Variants in FPR3 observed in about 807,000 individuals in gnomAD.
The protein encoded by FPR3 is N-formyl peptide receptor 3.
For synonymous variants in FPR3, 135 were observed against 163.6 expected (o/e 0.83, Z 1.34); for missense variants, 346 against 443.2 (o/e 0.78, Z 1.97).
chr19:51,820,301 T>C (rs78544165), intron 1 of FPR3, among the ~76,000 whole-genome samples: 4,336 of 152,330 alleles, frequency 0.028, 162 homozygotes, highest in African/African-American at 0.087. Flanking sequence ...AATTGTGACA[T>C]TGAACAAGTC....
At position 51,824,614 on chromosome 19, in the gene FPR3, C is replaced by T; in HGVS notation, c.866C>T (p.Ser289Phe). The T allele has an allele frequency of 6.2e-7, 1 of 1,614,098 alleles. No homozygotes were observed. Among genetic ancestry groups the T allele is most frequent in the East Asian group, 2.2e-5 (1 of 44,868 alleles). The part of the protein sequence containing the change: ...IILVLINPTS[S>F]LAFFNSCLNP... ...CTTGTCCTGATTAACCCAACAAGCT[C>T]CTTGGCCTTTTTTAACAGCTGCCTC... The change falls in exon 2 of 2, where the codon TCC (serine) becomes TTC (phenylalanine). Residue 289 changes from serine to phenylalanine, a missense_variant. Physicochemically the swap from Ser to Phe is radical, Grantham distance 155 (BLOSUM62 -2). Coordinates refer to ENST00000339223, the MANE Select transcript of FPR3 (RefSeq NM_002030.5). The surrounding 1 kb of genome is among the most constrained non-coding windows in gnomAD (Gnocchi z 4.7).
chr19:51,824,960 C>T lies in FPR3; in HGVS notation c.*150C>T. 1 of 661,046 alleles carries T rather than the reference C, an allele frequency of 1.5e-6. No individual in the cohort carries two copies. The highest frequency in any genetic ancestry group is 2.6e-6 in the Non-Finnish European group (1 of 382,202). 40.9% of individuals were successfully genotyped at this position (661,046 alleles called of 1,614,324 possible). ...TGTACCAAATCTGTAGGGGGTTTTT[C>T]CCACAACCAAGCAATAGACACCAGC... On this transcript the variant is annotated 3_prime_UTR_variant, in exon 2 of 2. Transcript: ENST00000339223. The surrounding 1 kb of genome is among the most constrained non-coding windows in gnomAD (Gnocchi z 4.7).
At position 51,823,790 on chromosome 19, in the gene FPR3, G is replaced by C; in HGVS notation, c.42G>C (p.Glu14Asp). 1.2e-6 allele frequency: 2 copies of C among 1,610,656 alleles called. No individual in the cohort carries two copies. The highest frequency in any genetic ancestry group is 1.7e-6 in the Non-Finnish European group (2 of 1,178,138). ...CCATTCCTCTGAATGAAACTGAGGA[G>C]GTGCTCCCTGAGCCTGCTGGCCACA... ...NFSIPLNETE[E>D]VLPEPAGHTV... The change falls in exon 2 of 2, where the codon GAG becomes GAC. Residue 14 changes from glutamate (E) to aspartate (D), a missense_variant. Coordinates refer to ENST00000339223, the MANE Select transcript of FPR3 (RefSeq NM_002030.5).
intron 1 of FPR3, among the ~76,000 whole-genome samples, chr19:51,800,256 C>T (rs1304528091): frequency 1.3e-5 from 2 of 152,118 alleles, no homozygotes; most frequent in Non-Finnish European, 2.9e-5. Flanking sequence ...AGAGGTCGAT[C>T]GGGTCACCCT....
At chr19:51,821,418 G>T (rs886147997) in intron 1 of FPR3, among the ~76,000 whole-genome samples, 3 of 152,100 alleles carry the variant, frequency 2.0e-5, no homozygotes, top group Non-Finnish European at 2.9e-5. Context: ...TACTAGCATC[G>T]GTGGATAGAG....
In FPR3 at chr19:51,812,437, C is replaced by T. The variant is rs1276833894; in HGVS notation, c.-10-11302C>T. Reference sequence around the variant, plus strand: ...GGCTGTAGTCCCATCTATCAGGGCCCCCATATCTAACATCTAATATTATTA... The same window carrying T: ...GGCTGTAGTCCCATCTATCAGGGCCTCCATATCTAACATCTAATATTATTA... On this transcript the variant is annotated intron_variant, in intron 1 of 1. Coordinates refer to ENST00000339223, the MANE Select transcript of FPR3 (RefSeq NM_002030.5). Among the ~76,000 whole-genome samples the T allele has an allele frequency of 2.0e-5, 3 of 152,234 alleles. No individual in the cohort carries two copies. The East Asian group carries it at 5.8e-4, about 29-fold the overall frequency.
chr19:51,824,446 T>C lies in FPR3; in HGVS notation c.698T>C (p.Met233Thr), dbSNP rs768258940. 1.2e-6 allele frequency: 2 copies of C among 1,613,996 alleles called. No individual in the cohort carries two copies. Among genetic ancestry groups the C allele is most frequent in the Admixed American group, 1.7e-5 (1 of 60,002 alleles). Residue 233 changes from methionine to threonine, a missense_variant, in exon 2 of 2, where the codon ATG (methionine) becomes ACG (threonine). Coordinates refer to ENST00000339223, the MANE Select transcript of FPR3 (RefSeq NM_002030.5). This position sits in a 1 kb window ranked among gnomAD's most constrained non-coding sequence, Gnocchi z 4.7. ...GCTGCCAAAATTCACAGAAACCACA[T>C]GATTAAATCCAGCCGTCCCTTACGT... is the stretch of plus-strand genomic sequence containing the variant. ...IIAAKIHRNH[M>T]IKSSRPLRVF... is the part of the protein sequence containing the mutation.
chr19:51,806,523 C>T (rs1160440946), intron 1 of FPR3, among the ~76,000 whole-genome samples: 1 of 152,158 alleles, frequency 6.6e-6, no homozygotes, highest in Non-Finnish European at 1.5e-5. Flanking sequence ...GGTAGTTGGC[C>T]TCCTATACCC....
At chr19:51,804,736 T>C (rs1170668947) in intron 1 of FPR3, 2 of 152,142 alleles carry the variant, frequency 1.3e-5, no homozygotes, top group Non-Finnish European at 2.9e-5. Flanking sequence ...GGCGCCACTA[T>C]GTAACCTGCC....
At chr19:51,797,228 G>T (rs144091726) in intron 1 of FPR3, among the ~76,000 whole-genome samples, 278 of 152,296 alleles carry the variant, frequency 1.8e-3, no homozygotes, top group African/African-American at 6.2e-3. Context: ...TAGGTGGAGT[G>T]CTAAGGACAG....
At chr19:51,796,502 G>A (rs543098557) in intron 1 of FPR3, among the ~76,000 whole-genome samples, 2 of 152,302 alleles carry the variant, frequency 1.3e-5, no homozygotes, top group East Asian at 3.9e-4. Context: ...ATGGATCTTA[G>A]GGGAGGGGGC....
rs756448684 is a variant in FPR3, at chr19:51,824,394, A to G, written c.646A>G (p.Ile216Val). ...FIIGFSVPMS[I>V]ITVCYGIIAA... ...TATTGGCTTCAGCGTGCCTATGTCC[A>G]TCATCACAGTCTGCTATGGGATCAT... The change falls in exon 2 of 2, where the codon ATC becomes GTC. Residue 216 changes from isoleucine (I) to valine (V), a missense_variant. Physicochemically the swap from Ile to Val is conservative, Grantham distance 29. Coordinates refer to ENST00000339223, the MANE Select transcript of FPR3 (RefSeq NM_002030.5). The surrounding 1 kb of genome is among the most constrained non-coding windows in gnomAD (Gnocchi z 4.7). 6.2e-7 allele frequency: 1 copy of G among 1,614,122 alleles called. No individual in the cohort carries two copies.
intron 1 of FPR3, among the ~76,000 whole-genome samples, chr19:51,818,852 A>G (rs969321211): frequency 6.6e-6 from 1 of 152,168 alleles, no homozygotes; most frequent in African/African-American, 2.4e-5. Flanking sequence ...GCCATAGAAG[A>G]GTGCTGAGAA....
At chr19:51,805,953 GAGATATT>G (rs2084056121) in intron 1 of FPR3, among the ~76,000 whole-genome samples, 1 of 152,136 alleles carries the variant, frequency 6.6e-6, no homozygotes. Flanking sequence ...CATCAAAGTC[GAGATATT>G]ATGTGTTCGC....
intron 1 of FPR3, 34 bp downstream of exon 1, chr19:51,795,365 T>A (rs2083989816): frequency 6.6e-6 from 1 of 152,188 alleles, no homozygotes; most frequent in Admixed American, 6.5e-5. Context: ...AAAGTTATTG[T>A]TGAAATGCCT....
chr19:51,813,591 C>T lies in FPR3; in HGVS notation c.-10-10148C>T, dbSNP rs186881156. Among the ~76,000 whole-genome samples, 259 of 151,864 alleles carry T rather than the reference C, an allele frequency of 1.7e-3. 5 individuals carry two copies. In the East Asian group the frequency reaches 0.044, roughly 26 times the overall value. On this transcript the variant is annotated intron_variant, in intron 1 of 1. Coordinates refer to ENST00000339223, the MANE Select transcript of FPR3 (RefSeq NM_002030.5). The stretch of plus-strand genomic sequence containing the variant: ...TGTCACCTAGGCTGGAGTGCAGTGG[C>T]GTGATCTCGGCTCACTGCAAGCTCC...
In FPR3 at chr19:51,824,784, G is replaced by A; in HGVS notation, c.1036G>A (p.Glu346Lys). The change falls in exon 2 of 2, where the codon GAG becomes AAG. Residue 346 changes from glutamate (E) to lysine (K), a missense_variant. Coordinates refer to ENST00000339223, the MANE Select transcript of FPR3 (RefSeq NM_002030.5). The surrounding 1 kb of genome is among the most constrained non-coding windows in gnomAD (Gnocchi z 4.7). ...NTDTTSASPP[E>K]ETELQAM ...AGACACCACTTCTGCTTCACCTCCT[G>A]AGGAGACGGAGTTACAAGCAATGTG... 1 of 1,612,774 alleles carries A rather than the reference G, an allele frequency of 6.2e-7. No individual in the cohort carries two copies. The highest frequency in any genetic ancestry group is 8.5e-7 in the Non-Finnish European group (1 of 1,179,252).
intron 1 of FPR3, among the ~76,000 whole-genome samples, chr19:51,797,220 G>C (rs555086425): frequency 6.6e-6 from 1 of 152,284 alleles, no homozygotes; most frequent in Admixed American, 6.5e-5. Context: ...AAATGCATTA[G>C]GTGGAGTGCT....
chr19:51,800,327 G>A (rs537601624), intron 1 of FPR3, among the ~76,000 whole-genome samples: 1 of 152,344 alleles, frequency 6.6e-6, no homozygotes, highest in South Asian at 2.1e-4. Context: ...CGGTTTTGAA[G>A]AGAAAGTGAG....
Sources: gnomAD v4.1 joint callset for allele counts (sites outside exome capture counted in the v4.1 genomes callset) on GRCh38, gnomAD v4.1.1 for gene constraint, Gnocchi (gnomAD v3.1) non-coding constraint, MANE v1.5 for transcripts, NCBI Gene and HGNC (gene_info 2026-07-23, HGNC 2026-07-21) for gene names.